Variants in KCNQ1 observed in about 807,000 individuals in gnomAD.
KCNQ1 encodes the protein potassium voltage-gated channel subfamily KQT member 1.
KCNQ1 carries 49 observed loss-of-function variants against 72.4 expected under a neutral mutation model. The ratio of observed to expected loss-of-function variants is 0.68; its 90% confidence interval spans 0.54 to 0.86. The LOEUF is 0.86. KCNQ1 is among the 40% of genes least tolerant of loss of function. KCNQ1 has a pLI of 0.00. For missense variants in KCNQ1, 790 were observed against 945.1 expected (o/e 0.84, Z 2.15); for synonymous variants, 450 against 412.6 (o/e 1.09, Z -1.10).
At chr11:2,689,563 T>A (rs1232994145) in intron 11 of KCNQ1, 18 of 398,512 alleles carry the variant, frequency 4.5e-5, no homozygotes, top group Non-Finnish European at 6.6e-5. Context: ...GAATGAATGA[T>A]GTGGAAATCT....
rs1847884753 is a variant in KCNQ1 at position 2,828,553 on chromosome 11, G to A, written c.1795-19214G>A. On this transcript the variant is annotated intron_variant, in intron 15 of 15. Coordinates refer to ENST00000155840, the MANE Select transcript of KCNQ1 (RefSeq NM_000218.3). The surrounding 1 kb of genome is among the most constrained non-coding windows in gnomAD (Gnocchi z 5.3). ...AGGAAGAAGAGCCACCAAGAATGAG[G>A]CAGTTCCCAACCCAGGACCCTGACA... Among the ~76,000 whole-genome samples the A allele has an allele frequency of 6.6e-6, 1 of 152,084 alleles. No homozygotes were observed. Among genetic ancestry groups the A allele is most frequent in the African/African-American group, 2.4e-5 (1 of 41,424 alleles).
At position 2,847,949 on chromosome 11, in the gene KCNQ1, G is replaced by T. The variant is rs2134097506; in HGVS notation, c.1977G>T (p.Leu659=). Residue 659 remains leucine, a synonymous_variant, in exon 16 of 16, where the codon CTG becomes CTT. Coordinates refer to ENST00000155840, the MANE Select transcript of KCNQ1 (RefSeq NM_000218.3). ...AGCTCTTCCTGCCCAGCAACACCCT[G>T]CCCACCTACGAGCAGCTGACCGTGC... ...DPELFLPSNT[L]PTYEQLTVPR... 7 of 1,570,522 alleles carry T rather than the reference G, an allele frequency of 4.5e-6. No homozygotes were observed. In the South Asian group the frequency reaches 8.2e-5, roughly 18 times the overall value.
intron 11 of KCNQ1, among the ~76,000 whole-genome samples, chr11:2,705,149 G>A (rs71473716): frequency 0.011 from 1,603 of 152,326 alleles, 11 homozygotes; most frequent in Middle Eastern, 0.034. Flanking sequence ...GGCTGCTCGG[G>A]GAATGCCCTC....
rs948184476 is a variant in KCNQ1, at chr11:2,563,484, C to T, written c.478-7144C>T. Among the ~76,000 whole-genome samples the T allele has an allele frequency of 6.6e-6, 1 of 152,346 alleles. No homozygotes were observed. The highest frequency in any genetic ancestry group is 1.9e-4 in the East Asian group (1 of 5,174). On this transcript the variant is annotated intron_variant, in intron 2 of 15. Coordinates refer to ENST00000155840, the MANE Select transcript of KCNQ1 (RefSeq NM_000218.3). This position sits in a 1 kb window ranked among gnomAD's most constrained non-coding sequence, Gnocchi z 7.4. ...GGGGTCGGCCTGCGGGGCCATGTGT[C>T]TCCTCCTGTGTGACCTTGAGCTACC...
At chr11:2,517,607 G>T (rs1452607282) in intron 1 of KCNQ1, among the ~76,000 whole-genome samples, 1 of 152,194 alleles carries the variant, frequency 6.6e-6, no homozygotes, top group Non-Finnish European at 1.5e-5. Context: ...GGATGGCAGG[G>T]TTTCCCCCTG....
Position 2,481,153 on chromosome 11 carries a change from C to T in KCNQ1, c.386+35669C>T, listed in dbSNP as rs1460616141. Among the ~76,000 whole-genome samples, 2 of 152,184 alleles carry T rather than the reference C, an allele frequency of 1.3e-5. No homozygotes were observed. The highest frequency in any genetic ancestry group is 2.9e-5 in the Non-Finnish European group (2 of 68,030). On this transcript the variant is annotated intron_variant, in intron 1 of 15. Transcript: ENST00000155840. The surrounding 1 kb of genome is among the most constrained non-coding windows in gnomAD (Gnocchi z 4.6). ...GATGTGTGATGTCACTAGTTCTCATCCAAAGCAGATGACAATTCCAGTTAC... is the reference window on the plus strand; with the variant it reads ...GATGTGTGATGTCACTAGTTCTCATTCAAAGCAGATGACAATTCCAGTTAC...
At chr11:2,797,382 G>T (rs182087606) in intron 15 of KCNQ1, among the ~76,000 whole-genome samples, 1 of 152,358 alleles carries the variant, frequency 6.6e-6, no homozygotes, top group African/African-American at 2.4e-5. Context: ...GCCTGACGGG[G>T]CCAGGAGGCT....
chr11:2,622,606 T>A (rs572069691), intron 10 of KCNQ1: 1 of 398,592 alleles, frequency 2.5e-6, no homozygotes, highest in South Asian at 1.3e-4. Context: ...TTACATTTTT[T>A]AAATACAACA....
intron 11 of KCNQ1, chr11:2,699,591 GAAC>G: frequency 2.9e-6 from 1 of 347,560 alleles, no homozygotes; most frequent in Non-Finnish European, 5.1e-6. Context: ...GGGGAGAACA[GAAC>G]CGCGGCGAGA....
At position 2,691,216 on chromosome 11, in the gene KCNQ1, G is replaced by A; in HGVS notation, c.1514+29135G>A. ...CTGTGTTTAAAAATTAGCAAGTGGA[G>A]GAGTTAGAGGATCTGCAGTTAACCC... On this transcript the variant is annotated intron_variant, in intron 11 of 15. Transcript: ENST00000155840. The surrounding 1 kb of genome is among the most constrained non-coding windows in gnomAD (Gnocchi z 6.4). The A allele has an allele frequency of 5.0e-6, 2 of 398,668 alleles. No homozygotes were observed. The highest frequency in any genetic ancestry group is 8.8e-6 in the Non-Finnish European group (2 of 226,106). 24.7% of individuals were successfully genotyped at this position (398,668 alleles called of 1,614,324 possible).
At position 2,687,956 on chromosome 11, in the gene KCNQ1, C is replaced by G. The variant is rs955340553; in HGVS notation, c.1514+25875C>G. 2.5e-6 allele frequency: 1 copy of G among 398,680 alleles called. No individual in the cohort carries two copies. The highest frequency in any genetic ancestry group is 2.1e-5 in the African/African-American group (1 of 48,650). 24.7% of individuals were successfully genotyped at this position (398,680 alleles called of 1,614,324 possible). On this transcript the variant is annotated intron_variant, in intron 11 of 15. Coordinates refer to ENST00000155840, the MANE Select transcript of KCNQ1 (RefSeq NM_000218.3). The surrounding 1 kb of genome is among the most constrained non-coding windows in gnomAD (Gnocchi z 5.0). ...CTTCTCCCACCCGCTGTGGGTCAGC[C>G]AGGCCGCTGCTTCCTGCTTCCCTTT...
At chr11:2,840,066 T>C (rs1171520713) in intron 15 of KCNQ1, 3 of 152,240 alleles carry the variant, frequency 2.0e-5, no homozygotes, top group African/African-American at 7.2e-5. Context: ...GTATAACTTT[T>C]GACTCCCCAG....
intron 6 of KCNQ1, among the ~76,000 whole-genome samples, chr11:2,582,852 G>C (rs928369890): frequency 6.6e-6 from 1 of 152,182 alleles, no homozygotes; most frequent in African/African-American, 2.4e-5. Context: ...CCAGCGCGGG[G>C]GAAAGGGTGG....
At position 2,600,705 on chromosome 11, in the gene KCNQ1, T is replaced by C. The variant is rs746376565; in HGVS notation, c.1393+11851T>C. On this transcript the variant is annotated intron_variant, in intron 10 of 15. Transcript: ENST00000155840. The surrounding 1 kb of genome is among the most constrained non-coding windows in gnomAD (Gnocchi z 5.6). ...CAATGTCCTTTGTGGCATTTTTTCC[T>C]CCACTGCAAGATCCAGTTCAGGGTC... Among the ~76,000 whole-genome samples the C allele has an allele frequency of 6.6e-6, 1 of 152,228 alleles. No individual in the cohort carries two copies. The highest frequency in any genetic ancestry group is 1.5e-5 in the Non-Finnish European group (1 of 68,034).
At chr11:2,721,566 A>T (rs1851203500) in intron 11 of KCNQ1, among the ~76,000 whole-genome samples, 1 of 152,382 alleles carries the variant, frequency 6.6e-6, no homozygotes, top group South Asian at 2.1e-4. Flanking sequence ...TCCGGCGGTC[A>T]GCAGCCTTTG....
chr11:2,618,590 T>C (rs1849110131), intron 10 of KCNQ1: 1 of 398,500 alleles, frequency 2.5e-6, no homozygotes, highest in South Asian at 1.3e-4. Context: ...ACCATACTGT[T>C]TGATCAATAG....
At chr11:2,594,391 G>T (rs951692924) in intron 10 of KCNQ1, among the ~76,000 whole-genome samples, 9 of 152,258 alleles carry the variant, frequency 5.9e-5, no homozygotes, top group African/African-American at 2.2e-4. Flanking sequence ...ACTGTACCAA[G>T]GTGGTGCATT....
At chr11:2,811,595 G>A (rs1210419352) in intron 15 of KCNQ1, among the ~76,000 whole-genome samples, 1 of 152,246 alleles carries the variant, frequency 6.6e-6, no homozygotes, top group Admixed American at 6.5e-5. Flanking sequence ...AGGGTGGCTG[G>A]CAGCCACCTT....
intron 10 of KCNQ1, chr11:2,649,052 T>C: frequency 2.5e-6 from 1 of 397,262 alleles, no homozygotes; most frequent in Non-Finnish European, 4.4e-6. Context: ...TTGGTGTCTG[T>C]TTGTGTGGAA....
Sources: gnomAD v4.1 joint callset for allele counts (sites outside exome capture counted in the v4.1 genomes callset) on GRCh38, gnomAD v4.1.1 for gene constraint, Gnocchi (gnomAD v3.1) non-coding constraint, MANE v1.5 for transcripts, NCBI Gene and HGNC (gene_info 2026-07-23, HGNC 2026-07-21) for gene names.